RIN3: variants seen among roughly 807,000 people sequenced by gnomAD.
RIN3 encodes Ras and Rab interactor 3.
Under a neutral mutation model 76.3 loss-of-function variants are expected in RIN3, and 54 were observed. That is an observed-to-expected ratio of 0.71 (90% CI 0.57 to 0.89). The LOEUF (loss-of-function observed/expected upper bound fraction) is 0.89, where lower values mean the gene tolerates loss of function less well. RIN3 is among the 40% of genes least tolerant of loss of function. The pLI, the probability that RIN3 is intolerant of heterozygous loss-of-function variation, is 0.00. For missense variants in RIN3, 1,256 were observed against 1,322.1 expected, an observed-to-expected ratio of 0.95 and a Z score of 0.78; for synonymous variants, 576 against 564.0, an observed-to-expected ratio of 1.02 and a Z score of -0.30.
intron 3 of RIN3, among the ~76,000 whole-genome samples, chr14:92,594,556 C>T (rs1885091989): frequency 6.6e-6 from 1 of 151,964 alleles, no homozygotes; most frequent in African/African-American, 2.4e-5. Flanking sequence ...TTTAACAACA[C>T]ACTTCTAACC....
At chr14:92,666,607 C>A (rs1444420441) in intron 7 of RIN3, among the ~76,000 whole-genome samples, 1 of 152,156 alleles carries the variant, frequency 6.6e-6, no homozygotes, top group African/African-American at 2.4e-5. Context: ...CTTCATGAGG[C>A]TTGGTGAGAG....
intron 1 of RIN3, among the ~76,000 whole-genome samples, chr14:92,535,619 T>C (rs1423666915): frequency 6.6e-6 from 1 of 151,836 alleles, no homozygotes; most frequent in Non-Finnish European, 1.5e-5. Context: ...AGAAGCTTTT[T>C]TGTTTTACCT....
intron 2 of RIN3, 188 bp from the exon 3 acceptor site, chr14:92,577,172 T>C (rs1012210812): frequency 5.7e-6 from 3 of 527,106 alleles, no homozygotes; most frequent in African/African-American, 3.9e-5. Flanking sequence ...GGATCCTCAA[T>C]GTGGATGTGG....
At chr14:92,684,928 C>A in intron 8 of RIN3, 59 bp from the exon 9 acceptor site, 3 of 1,562,648 alleles carry the variant, frequency 1.9e-6, no homozygotes, top group South Asian at 2.3e-5. Flanking sequence ...AGGCCAAGCT[C>A]CTTGCCTCTG....
At chr14:92,669,317 G>A (rs1888208772) in intron 7 of RIN3, among the ~76,000 whole-genome samples, 1 of 152,186 alleles carries the variant, frequency 6.6e-6, no homozygotes, top group African/African-American at 2.4e-5. Context: ...GATAAAGCAG[G>A]GTAGGGGGTC....
intron 3 of RIN3, among the ~76,000 whole-genome samples, chr14:92,612,017 C>T (rs1020159304): frequency 2.6e-5 from 4 of 152,032 alleles, no homozygotes; most frequent in African/African-American, 9.7e-5. Context: ...AAGCAAATCT[C>T]GTGAGAACTC....
At chr14:92,564,114 C>T (rs1229648744) in intron 2 of RIN3, among the ~76,000 whole-genome samples, 5 of 152,308 alleles carry the variant, frequency 3.3e-5, no homozygotes, top group Admixed American at 6.5e-5. Flanking sequence ...GGAAAATAAT[C>T]CTAAAATAAC....
intron 5 of RIN3, chr14:92,644,684 G>C (rs1887134976): frequency 6.6e-6 from 1 of 152,234 alleles, no homozygotes; most frequent in South Asian, 2.1e-4. Flanking sequence ...CATAAAGCCA[G>C]GCTCACCACA....
intron 7 of RIN3, among the ~76,000 whole-genome samples, chr14:92,663,831 G>T (rs766025177): frequency 2.6e-5 from 4 of 152,208 alleles, no homozygotes; most frequent in Non-Finnish European, 5.9e-5. Context: ...ACCTTTGTTT[G>T]TGTACAAAAT....
At chr14:92,576,968 C>T (rs1898261505) in intron 2 of RIN3, among the ~76,000 whole-genome samples, 1 of 152,170 alleles carries the variant, frequency 6.6e-6, no homozygotes, top group Admixed American at 6.5e-5. Flanking sequence ...TAGAGCTTTT[C>T]TGAGTGTAGA....
At chr14:92,578,234 TAAAAAAAAAAAAAAAG>T (rs1409778377) in intron 3 of RIN3, among the ~76,000 whole-genome samples, 1 of 100,896 alleles carries the variant, frequency 9.9e-6, no homozygotes, top group East Asian at 2.7e-4. Flanking sequence ...AGATCTGGCC[TAAAAAAAAAAAAAAAG>T]AAAAAAAAGA....
At chr14:92,594,803 A>G (rs77472887) in intron 3 of RIN3, among the ~76,000 whole-genome samples, 17,111 of 152,238 alleles carry the variant, frequency 0.11, 1,327 homozygotes, top group East Asian at 0.44. Flanking sequence ...ATTTTCACCA[A>G]CCACATGATG....
chr14:92,547,068 T>A (rs1007403721), intron 1 of RIN3, among the ~76,000 whole-genome samples: 2 of 104,810 alleles, frequency 1.9e-5, no homozygotes, highest in African/African-American at 3.3e-5. Context: ...AAATTATATT[T>A]TATTTTATAT....
intron 2 of RIN3, among the ~76,000 whole-genome samples, chr14:92,576,814 G>A (rs902372538): frequency 1.1e-4 from 17 of 152,212 alleles, no homozygotes; most frequent in African/African-American, 4.1e-4. Flanking sequence ...CTCAGCGAGA[G>A]CTCTATATTA....
intron 6 of RIN3, among the ~76,000 whole-genome samples, 161 bp from the exon 7 acceptor site, chr14:92,658,998 CTG>C (rs749896818): frequency 4.6e-5 from 7 of 152,214 alleles, no homozygotes; most frequent in Non-Finnish European, 1.0e-4. Context: ...CTTGAATAAA[CTG>C]TGCTCTCTCA....
At chr14:92,566,707 C>T (rs1201081878) in intron 2 of RIN3, among the ~76,000 whole-genome samples, 1 of 152,172 alleles carries the variant, frequency 6.6e-6, no homozygotes, top group African/African-American at 2.4e-5. Flanking sequence ...GCTCAGATAG[C>T]TCCAAGTGGC....
intron 7 of RIN3, among the ~76,000 whole-genome samples, chr14:92,675,325 A>C (rs1484572272): frequency 6.6e-6 from 1 of 152,158 alleles, no homozygotes; most frequent in Non-Finnish European, 1.5e-5. Flanking sequence ...TTACTGTTTT[A>C]TCAGGTGTAT....
rs979050830 is a variant in RIN3 at position 92,641,552 on chromosome 14, G to A, written c.532+223G>A. Among the ~76,000 whole-genome samples, 6 of 152,336 alleles carry A rather than the reference G, an allele frequency of 3.9e-5. 1 individual carries two copies. The Middle Eastern group carries it at 0.01, about 259-fold the overall frequency. On this transcript the variant is annotated intron_variant, in intron 5 of 9. Transcript: ENST00000216487. ...CCAGGACGCCCTGAGGCCCAGCCAC[G>A]TTTGGTCTAAGGGAGCAGGGCCTGG...
At chr14:92,543,071 A>G (rs1286463781) in intron 1 of RIN3, among the ~76,000 whole-genome samples, 1 of 152,196 alleles carries the variant, frequency 6.6e-6, no homozygotes, top group Admixed American at 6.5e-5. Flanking sequence ...GGATTATTTA[A>G]ATGCTGTTAA....
Sources: allele counts gnomAD v4.1 joint callset (sites outside exome capture counted in the v4.1 genomes callset), GRCh38; gene constraint gnomAD v4.1.1; transcripts MANE v1.5; gene names NCBI Gene and HGNC (gene_info 2026-07-23, HGNC 2026-07-21).